KATNIP: variants seen among roughly 807,000 people sequenced by gnomAD.
KATNIP encodes katanin interacting protein.
In KATNIP, 126 loss-of-function variants were observed where a neutral mutation model predicts 174.0. The ratio of observed to expected loss-of-function variants is 0.72; its 90% confidence interval spans 0.63 to 0.84. The LOEUF (loss-of-function observed/expected upper bound fraction) is 0.84. Ranked by LOEUF, KATNIP falls within the 40% of genes least tolerant of loss-of-function variation. The pLI is 0.00. For synonymous variants in KATNIP, 810 were observed against 835.7 expected (o/e 0.97, Z 0.53); for missense variants, 1,958 against 2,109.7 (o/e 0.93, Z 1.41).
intron 1 of KATNIP, among the ~76,000 whole-genome samples, chr16:27,557,913 C>T (rs1464177893): frequency 6.6e-6 from 1 of 152,112 alleles, no homozygotes; most frequent in African/African-American, 2.4e-5. Context: ...AGTCTGTTAA[C>T]ACCAAATCAG....
intron 21 of KATNIP, among the ~76,000 whole-genome samples, chr16:27,770,332 A>AG (rs2082256576): frequency 6.6e-6 from 1 of 152,218 alleles, no homozygotes; most frequent in African/African-American, 2.4e-5. Flanking sequence ...AGTTTGGGGA[A>AG]GGGCCTTCCT....
rs895458954 is a variant in KATNIP, at chr16:27,578,293, A to G, written c.63+4337A>G. Among the ~76,000 whole-genome samples, 12 of 152,142 alleles carry G rather than the reference A, an allele frequency of 7.9e-5. 1 individual carries two copies. The highest frequency in any genetic ancestry group is 6.6e-4 in the Admixed American group (10 of 15,264). Reference sequence around the variant, plus strand: ...GGCTGCAGTGAGCCAAGATCACACCACTGCACCCCAACCTAGGCGACAGAG... The same window carrying G: ...GGCTGCAGTGAGCCAAGATCACACCGCTGCACCCCAACCTAGGCGACAGAG... On this transcript the variant is annotated intron_variant, in intron 2 of 27. Transcript: ENST00000261588.
intron 20 of KATNIP, among the ~76,000 whole-genome samples, chr16:27,768,715 A>T (rs2082201645): frequency 6.6e-6 from 1 of 152,198 alleles, no homozygotes; most frequent in Non-Finnish European, 1.5e-5. Flanking sequence ...CCACGCCCGA[A>T]GCCAGGTAGC....
chr16:27,699,331 C>T, intron 9 of KATNIP: 1 of 553,620 alleles, frequency 1.8e-6, no homozygotes, highest in Non-Finnish European at 2.3e-6. Flanking sequence ...GTTCCCCAGG[C>T]TCTATCTTGG....
chr16:27,563,748 G>C (rs1423420496), intron 1 of KATNIP, among the ~76,000 whole-genome samples: 1 of 151,882 alleles, frequency 6.6e-6, no homozygotes, highest in African/African-American at 2.4e-5. Flanking sequence ...ATACCTACTA[G>C]GTGGCTGTTG....
chr16:27,699,569 T>C lies in KATNIP; in HGVS notation c.1149T>C (p.Ser383=). 1 of 1,614,160 alleles carries C rather than the reference T, an allele frequency of 6.2e-7. No homozygotes were observed. The highest frequency in any genetic ancestry group is 8.5e-7 in the Non-Finnish European group (1 of 1,180,020). ...AEGPPAKPWT[S]LLEEKEETLE... is the part of the protein sequence containing the mutation. ...GACCACCAGCAAAACCATGGACCAG[T>C]CTGCTGGAGGAGAAGGAAGAGACCC... The change falls in exon 10 of 28, where the codon AGT becomes AGC. Residue 383 remains serine (S), a synonymous_variant. Transcript: ENST00000261588.
chr16:27,633,951 G>A (rs910427920), intron 5 of KATNIP, among the ~76,000 whole-genome samples: 3 of 152,178 alleles, frequency 2.0e-5, no homozygotes, highest in Non-Finnish European at 4.4e-5. Flanking sequence ...GAGGAGCAAG[G>A]CCTGGAGGAC....
chr16:27,559,037 C>T (rs1304355186), intron 1 of KATNIP, among the ~76,000 whole-genome samples: 1 of 152,148 alleles, frequency 6.6e-6, no homozygotes, highest in Admixed American at 6.6e-5. Context: ...GAAAGGTACC[C>T]GTTTTGACTA....
intron 6 of KATNIP, among the ~76,000 whole-genome samples, chr16:27,662,049 C>CATGTATATAT (rs1555467468): frequency 2.3e-4 from 2 of 8,638 alleles, no homozygotes; most frequent in Non-Finnish European, 4.2e-4. Context: ...TATACACATA[C>CATGTATATAT]ATATATATAT....
chr16:27,550,144 G>C lies in KATNIP; in HGVS notation c.-27G>C, dbSNP rs1596675492. On this transcript the variant is annotated 5_prime_UTR_variant, in exon 1 of 28. Transcript: ENST00000261588. ...ACAGTGTAGAGGCCGCTTCCGGTTC[G>C]AGCTCCCGGAACCGCCGCCTCTAGG... 5 of 1,612,672 alleles carry C rather than the reference G, an allele frequency of 3.1e-6. No individual in the cohort carries two copies. The East Asian group carries it at 8.9e-5, about 29-fold the overall frequency.
At chr16:27,554,789 C>CTT (rs563621813) in intron 1 of KATNIP, among the ~76,000 whole-genome samples, 65 of 77,826 alleles carry the variant, frequency 8.4e-4, no homozygotes, top group African/African-American at 1.2e-3. Context: ...TTGATTTACA[C>CTT]TTTTTTTTTT....
intron 3 of KATNIP, among the ~76,000 whole-genome samples, chr16:27,627,974 A>T (rs903850102): frequency 6.6e-6 from 1 of 152,186 alleles, no homozygotes. Flanking sequence ...CTTCAGTGAA[A>T]GCTAAATTAG....
chr16:27,628,533 G>A (rs1436654018), intron 3 of KATNIP, 128 bp from the exon 4 acceptor site: 12 of 1,000,670 alleles, frequency 1.2e-5, no homozygotes, highest in Non-Finnish European at 6.0e-6. Flanking sequence ...CAAACAGCTG[G>A]GCACACGCCC....
chr16:27,740,549 C>A lies in KATNIP; in HGVS notation c.2252C>A (p.Thr751Asn). 5.0e-6 allele frequency: 8 copies of A among 1,614,170 alleles called. No homozygotes were observed. The highest frequency in any genetic ancestry group is 8.5e-7 in the Non-Finnish European group (1 of 1,180,034). ...GRKICEPPGK[T>N]PSWLQPSPTG... ...AAAATCTGTGAGCCACCCGGGAAAA[C>A]CCCATCCTGGTTACAACCTTCTCCC... Residue 751 changes from threonine (T) to asparagine (N), a missense_variant, in exon 15 of 28, where the codon ACC (threonine) becomes AAC (asparagine). Around this residue, in one of 3 missense-constraint regions of KATNIP, gnomAD observed 1,557 missense variants for 1,617.8 expected, o/e 0.96. Transcript: ENST00000261588.
intron 5 of KATNIP, among the ~76,000 whole-genome samples, chr16:27,631,497 G>T (rs1284493920): frequency 3.3e-5 from 5 of 151,106 alleles, no homozygotes; most frequent in Non-Finnish European, 7.4e-5. Flanking sequence ...GTGAGCTACA[G>T]TTGCACCACT....
At chr16:27,585,464 T>C (rs1334497732) in intron 2 of KATNIP, among the ~76,000 whole-genome samples, 4 of 152,218 alleles carry the variant, frequency 2.6e-5, no homozygotes, top group Non-Finnish European at 5.9e-5. Flanking sequence ...GAAGGGATTT[T>C]TCCACTCCCA....
chr16:27,713,679 T>C (rs1341782709), intron 13 of KATNIP, among the ~76,000 whole-genome samples: 11 of 148,536 alleles, frequency 7.4e-5, no homozygotes, highest in Non-Finnish European at 1.5e-5. Context: ...ATATTATATA[T>C]ATGTGTGTGT....
At chr16:27,660,776 C>T (rs1211683534) in intron 6 of KATNIP, among the ~76,000 whole-genome samples, 1 of 151,948 alleles carries the variant, frequency 6.6e-6, no homozygotes, top group African/African-American at 2.4e-5. Flanking sequence ...GCTCAGGATA[C>T]AGGCACACAC....
At chr16:27,660,122 C>CTAA (rs2077422983) in intron 6 of KATNIP, 1 of 456,728 alleles carries the variant, frequency 2.2e-6, no homozygotes, top group Admixed American at 6.4e-5. Flanking sequence ...GGGGCCTTGG[C>CTAA]TAAGTCATAC....
Sources: gnomAD v4.1 joint callset for allele counts (sites outside exome capture counted in the v4.1 genomes callset) on GRCh38, gnomAD v4.1.1 for gene constraint, gnomAD v4.1.1 regional missense constraint, MANE v1.5 for transcripts, NCBI Gene and HGNC (gene_info 2026-07-23, HGNC 2026-07-21) for gene names.